The following DPP10 variants were observed in gnomAD, a reference collection of about 807,000 sequenced individuals.
DPP10 encodes the protein dipeptidyl peptidase like 10.
Under a neutral mutation model 120.9 loss-of-function variants are expected in DPP10, and 33 were observed. The observed-to-expected ratio is 0.27, with a 90% CI of 0.21 to 0.37. The LOEUF (loss-of-function observed/expected upper bound fraction) is 0.37. Ranked by LOEUF, DPP10 falls within the 10% of genes least tolerant of loss-of-function variation. The pLI is 1.00. For missense variants in DPP10, 816 were observed against 942.8 expected, an observed-to-expected ratio of 0.87 and a Z score of 1.76; for synonymous variants, 337 against 326.1, an observed-to-expected ratio of 1.03 and a Z score of -0.36.
intron 3 of DPP10, among the ~76,000 whole-genome samples, chr2:115,486,476 T>A (rs1574987340): frequency 6.6e-6 from 1 of 152,148 alleles, no homozygotes; most frequent in East Asian, 1.9e-4. Flanking sequence ...ACCTTTGGGA[T>A]CATATAAACA....
chr2:115,798,535 C>T (rs1234884923), intron 19 of DPP10, among the ~76,000 whole-genome samples: 1 of 151,980 alleles, frequency 6.6e-6, no homozygotes, highest in African/African-American at 2.4e-5. Context: ...GGCTGTGTAG[C>T]ATGTAAGTCA....
At chr2:114,533,525 C>A (rs1449797323) in intron 1 of DPP10, among the ~76,000 whole-genome samples, 1 of 151,740 alleles carries the variant, frequency 6.6e-6, no homozygotes, top group Admixed American at 6.6e-5. Context: ...GGCTTAATAC[C>A]TAGGTGATGG....
chr2:115,231,450 C>T (rs1168462586), intron 1 of DPP10, among the ~76,000 whole-genome samples: 2 of 152,068 alleles, frequency 1.3e-5, no homozygotes, highest in African/African-American at 4.8e-5. Flanking sequence ...CATATTAATA[C>T]TTAAGGTCTT....
chr2:115,198,267 T>C (rs189315608), intron 1 of DPP10, among the ~76,000 whole-genome samples: 151 of 152,300 alleles, frequency 9.9e-4, no homozygotes, highest in African/African-American at 3.4e-3. Flanking sequence ...AAGCCTCTTA[T>C]AATAGGTCGT....
At chr2:115,673,831 G>A (rs2090081340) in intron 5 of DPP10, among the ~76,000 whole-genome samples, 1 of 152,168 alleles carries the variant, frequency 6.6e-6, no homozygotes, top group South Asian at 2.1e-4. Context: ...CTCTTCAGAT[G>A]ACTCCAAGAG....
At chr2:114,517,292 G>A (rs1297749881) in intron 1 of DPP10, among the ~76,000 whole-genome samples, 1 of 152,108 alleles carries the variant, frequency 6.6e-6, no homozygotes, top group Non-Finnish European at 1.5e-5. Flanking sequence ...AGGCCGAGGC[G>A]GGAGGATCAC....
rs116790129 is a variant in DPP10 at position 115,232,040 on chromosome 2, G to A, written c.61-77199G>A. Among the ~76,000 whole-genome samples the A allele has an allele frequency of 1.6e-3, 250 of 152,198 alleles. 2 individuals are homozygous for A. Among genetic ancestry groups the A allele is most frequent in the African/African-American group, 5.8e-3 (239 of 41,540 alleles). ...CCTTCCTCTCCAGCCTTTCTCATTCGTCTCGAATCAAGAGGACGTACTTTG... is the reference window on the plus strand; with the variant it reads ...CCTTCCTCTCCAGCCTTTCTCATTCATCTCGAATCAAGAGGACGTACTTTG... On this transcript the variant is annotated intron_variant, in intron 1 of 25. Coordinates refer to ENST00000410059, the MANE Select transcript of DPP10 (RefSeq NM_020868.6).
intron 1 of DPP10, among the ~76,000 whole-genome samples, chr2:115,188,750 G>A (rs977427290): frequency 1.3e-5 from 2 of 151,998 alleles, no homozygotes; most frequent in Non-Finnish European, 2.9e-5. Flanking sequence ...GAATTTGACA[G>A]TGTCTAGTAA....
chr2:114,797,730 G>A (rs1683837639), intron 1 of DPP10, among the ~76,000 whole-genome samples: 1 of 152,174 alleles, frequency 6.6e-6, no homozygotes, highest in African/African-American at 2.4e-5. Context: ...ATGCTTACAA[G>A]GAAGATTCCA....
At chr2:115,396,502 T>A (rs748352545) in intron 3 of DPP10, among the ~76,000 whole-genome samples, 2 of 152,218 alleles carry the variant, frequency 1.3e-5, no homozygotes, top group Non-Finnish European at 2.9e-5. Context: ...GTTTTAAAAA[T>A]GGAAATTCTG....
chr2:114,527,174 A>G lies in DPP10; in HGVS notation c.60+84336A>G, dbSNP rs111611020. Among the ~76,000 whole-genome samples the G allele has an allele frequency of 1.4e-3, 219 of 152,250 alleles. 3 individuals carry two copies. The highest frequency in any genetic ancestry group is 4.8e-3 in the African/African-American group (200 of 41,538). On this transcript the variant is annotated intron_variant, in intron 1 of 25. Transcript: ENST00000410059. ...GTTGTGAGATCAATCTTTAGACGAG[A>G]GTTTATTGATTGTTTGTGACTAGCT...
At chr2:115,046,010 C>CTG (rs10538369) in intron 1 of DPP10, among the ~76,000 whole-genome samples, 11 of 151,654 alleles carry the variant, frequency 7.3e-5, no homozygotes, top group African/African-American at 2.4e-4. Flanking sequence ...GTGTGTGTGT[C>CTG]TGTGTGTGTG....
intron 1 of DPP10, among the ~76,000 whole-genome samples, chr2:115,207,426 A>AG (rs1341524066): frequency 2.3e-5 from 3 of 129,368 alleles, no homozygotes; most frequent in Non-Finnish European, 4.5e-5. Flanking sequence ...CAAAAAAAAA[A>AG]AAAAAAAAAA....
intron 3 of DPP10, among the ~76,000 whole-genome samples, chr2:115,429,432 T>C (rs978893077): frequency 6.6e-6 from 1 of 151,766 alleles, no homozygotes; most frequent in African/African-American, 2.4e-5. Context: ...TAAAACAGAG[T>C]GGTAATGAGG....
intron 1 of DPP10, among the ~76,000 whole-genome samples, chr2:114,506,624 G>A (rs1017733073): frequency 6.6e-6 from 1 of 152,084 alleles, no homozygotes; most frequent in South Asian, 2.1e-4. Context: ...CTGCTGTGGG[G>A]TCTGCACAAA....
chr2:115,179,185 C>T (rs2053907671), intron 1 of DPP10, among the ~76,000 whole-genome samples: 1 of 151,978 alleles, frequency 6.6e-6, no homozygotes, highest in African/African-American at 2.4e-5. Flanking sequence ...CAATTCTATA[C>T]CTTATAAGAT....
chr2:115,404,630 T>A (rs1521077), intron 3 of DPP10, among the ~76,000 whole-genome samples: 129,949 of 150,696 alleles, frequency 0.86, 56,461 homozygotes, highest in Non-Finnish European at 0.92. Flanking sequence ...TAATCTATTT[T>A]AAAAAAAAAG....
chr2:115,538,238 G>A (rs1244215089), intron 5 of DPP10, among the ~76,000 whole-genome samples: 2 of 151,970 alleles, frequency 1.3e-5, no homozygotes, highest in African/African-American at 2.4e-5. Flanking sequence ...AGGAAATCAC[G>A]ATAGAGTTCT....
At chr2:114,621,961 C>T (rs1416496188) in intron 1 of DPP10, among the ~76,000 whole-genome samples, 2 of 151,804 alleles carry the variant, frequency 1.3e-5, no homozygotes, top group African/African-American at 4.8e-5. Context: ...AAGAAATGAC[C>T]TCAGCCCATA....
Sources: allele counts gnomAD v4.1 joint callset (sites outside exome capture counted in the v4.1 genomes callset), GRCh38; gene constraint gnomAD v4.1.1; transcripts MANE v1.5; gene names NCBI Gene and HGNC (gene_info 2026-07-23, HGNC 2026-07-21).